ST8SIA4: variants seen among roughly 807,000 people sequenced by gnomAD.
The protein encoded by ST8SIA4 is ST8 alpha-N-acetyl-neuraminide alpha-2,8-sialyltransferase 4.
Under a neutral mutation model 33.9 loss-of-function variants are expected in ST8SIA4, and 15 were observed. That is an observed-to-expected ratio of 0.44 (90% CI 0.30 to 0.68). The LOEUF is 0.68. Among genes scored for constraint, ST8SIA4 ranks in the 30% least tolerant of loss-of-function variants. ST8SIA4 has a pLI of 0.10. For synonymous variants in ST8SIA4, 171 were observed against 151.2 expected (o/e 1.13, Z -0.96); for missense variants, 321 against 428.0 (o/e 0.75, Z 2.21).
rs931271127 is a variant in ST8SIA4, at chr5:100,811,348, A to C, written c.*499T>G. On this transcript the variant is annotated 3_prime_UTR_variant, in exon 5 of 5. Transcript: ENST00000231461. The stretch of plus-strand genomic sequence containing the variant: ...AAAAAAACATAAATTAAAACATAAA[A>C]TTCATGATCAGACTCAGAGTCCTGA... 6.5e-6 allele frequency: 1 copy of C among 152,854 alleles called. No homozygotes were observed. Among genetic ancestry groups the C allele is most frequent in the Non-Finnish European group, 1.5e-5 (1 of 68,260 alleles). The allele number at this position is 152,854 out of a possible 1,614,324, so 9.5% of individuals were successfully genotyped here.
chr5:100,855,038 T>A (rs963415764), intron 4 of ST8SIA4, among the ~76,000 whole-genome samples: 16 of 152,224 alleles, frequency 1.1e-4, no homozygotes, highest in Admixed American at 1.0e-3. Context: ...CTCAATTCCC[T>A]TCTCAACCAC....
chr5:100,869,931 T>C (rs1488817805), intron 3 of ST8SIA4, among the ~76,000 whole-genome samples: 2 of 152,284 alleles, frequency 1.3e-5, no homozygotes, highest in Middle Eastern at 3.4e-3. Flanking sequence ...ATGTGCCATG[T>C]TGGTGTGCTG....
chr5:100,898,252 A>G (rs1344425586), intron 1 of ST8SIA4, among the ~76,000 whole-genome samples: 2 of 152,164 alleles, frequency 1.3e-5, no homozygotes, highest in Non-Finnish European at 2.9e-5. Flanking sequence ...TGATCCTAGG[A>G]GTTAGAGACC....
At chr5:100,855,791 C>T (rs992407793) in intron 4 of ST8SIA4, among the ~76,000 whole-genome samples, 4 of 152,094 alleles carry the variant, frequency 2.6e-5, no homozygotes, top group African/African-American at 4.8e-5. Flanking sequence ...AGTTTCCCTA[C>T]CCAAAGCTCA....
At chr5:100,818,645 C>T (rs778266886) in intron 4 of ST8SIA4, among the ~76,000 whole-genome samples, 7 of 151,818 alleles carry the variant, frequency 4.6e-5, no homozygotes, top group Non-Finnish European at 8.8e-5. Flanking sequence ...TTTCTATGTG[C>T]CCTTTGTATT....
rs1408616715 is a variant in ST8SIA4, at chr5:100,856,374, C to T, written c.526G>A (p.Glu176Lys). Residue 176 changes from glutamate (E) to lysine (K), a missense_variant, in exon 4 of 5, where the codon GAG becomes AAG. Physicochemically the swap from Glu to Lys is moderately conservative, Grantham distance 56 (BLOSUM62 1). Transcript: ENST00000231461. ...TTAGTTCCCACATCTGCAGCAAACT[C>T]CACCACAGGAGCTAGATTACACCTG... ...VIRCNLAPVV[E>K]FAADVGTKSD... 6.8e-6 allele frequency: 11 copies of T among 1,613,668 alleles called. No homozygotes were observed. The highest frequency in any genetic ancestry group is 9.3e-6 in the Non-Finnish European group (11 of 1,179,792).
chr5:100,853,264 T>G (rs2112436622), intron 4 of ST8SIA4, among the ~76,000 whole-genome samples: 1 of 152,336 alleles, frequency 6.6e-6, no homozygotes, highest in East Asian at 1.9e-4. Flanking sequence ...AAACGCTATC[T>G]TACATACATC....
rs1197941770 is a variant in ST8SIA4, at chr5:100,810,651, C to T, written c.*1196G>A. The T allele has an allele frequency of 1.3e-5, 2 of 152,426 alleles. No homozygotes were observed. The allele number at this position is 152,426 out of a possible 1,614,324, so 9.4% of individuals were successfully genotyped here. On this transcript the variant is annotated 3_prime_UTR_variant, in exon 5 of 5. Coordinates refer to ENST00000231461, the MANE Select transcript of ST8SIA4 (RefSeq NM_005668.6). ...CACATTAATAGCAAAATAATATATTCATGTTAATAATATATTATTTTCATG... is the reference window on the plus strand; with the variant it reads ...CACATTAATAGCAAAATAATATATTTATGTTAATAATATATTATTTTCATG...
chr5:100,858,453 A>T (rs77905934), intron 3 of ST8SIA4, among the ~76,000 whole-genome samples: 120 of 152,196 alleles, frequency 7.9e-4, no homozygotes, highest in African/African-American at 2.6e-3. Context: ...AAATAGAATA[A>T]AAATGATATA....
intron 3 of ST8SIA4, among the ~76,000 whole-genome samples, chr5:100,875,039 A>T (rs1752276111): frequency 6.6e-6 from 1 of 152,204 alleles, no homozygotes; most frequent in South Asian, 2.1e-4. Flanking sequence ...AGATTCTATC[A>T]TTATTCCATT....
chr5:100,829,293 ATTCT>A (rs1239262330), intron 4 of ST8SIA4, among the ~76,000 whole-genome samples: 2 of 152,168 alleles, frequency 1.3e-5, no homozygotes, highest in South Asian at 2.1e-4. Context: ...ATCACAAAAG[ATTCT>A]TTGTCTTTTG....
intron 1 of ST8SIA4, among the ~76,000 whole-genome samples, chr5:100,901,828 T>G (rs1431425301): frequency 6.6e-6 from 1 of 152,146 alleles, no homozygotes; most frequent in African/African-American, 2.4e-5. Flanking sequence ...AGAGCATGTG[T>G]GTGTGTTAGC....
At chr5:100,886,163 C>T (rs1267423083) in intron 3 of ST8SIA4, 180 bp downstream of exon 3, 3 of 1,389,128 alleles carry the variant, frequency 2.2e-6, no homozygotes, top group African/African-American at 2.9e-5. Flanking sequence ...TTCAACTACG[C>T]AATAATTATA....
chr5:100,833,364 A>T (rs1324560408), intron 4 of ST8SIA4, among the ~76,000 whole-genome samples: 1 of 152,044 alleles, frequency 6.6e-6, no homozygotes, highest in African/African-American at 2.4e-5. Context: ...TTCTCAAATT[A>T]TTTTACTCAA....
intron 1 of ST8SIA4, among the ~76,000 whole-genome samples, chr5:100,901,851 C>T (rs1752924918): frequency 6.6e-6 from 1 of 152,196 alleles, no homozygotes; most frequent in Non-Finnish European, 1.5e-5. Flanking sequence ...TCCCATCTCT[C>T]TCTCTCTCAC....
chr5:100,875,154 T>C (rs1752278750), intron 3 of ST8SIA4, among the ~76,000 whole-genome samples: 1 of 152,170 alleles, frequency 6.6e-6, no homozygotes, highest in Non-Finnish European at 1.5e-5. Context: ...CAAAGTATTC[T>C]ACAGTACAGG....
intron 2 of ST8SIA4, among the ~76,000 whole-genome samples, chr5:100,889,138 T>A (rs547751955): frequency 8.6e-4 from 131 of 152,066 alleles, no homozygotes; most frequent in Non-Finnish European, 1.6e-3. Context: ...AAGCACTTAA[T>A]GATTTTTCAC....
At chr5:100,819,025 G>A (rs3843478) in intron 4 of ST8SIA4, among the ~76,000 whole-genome samples, 43,657 of 152,062 alleles carry the variant, frequency 0.29, 6,566 homozygotes, top group Non-Finnish European at 0.33. Flanking sequence ...CTCATATTTA[G>A]TGAATACGTA....
chr5:100,823,112 CAG>C (rs1751067044), intron 4 of ST8SIA4, among the ~76,000 whole-genome samples: 1 of 151,866 alleles, frequency 6.6e-6, no homozygotes, highest in African/African-American at 2.4e-5. Context: ...GCCTGGGAGA[CAG>C]AGTGAGACTC....
Sources: allele counts gnomAD v4.1 joint callset (sites outside exome capture counted in the v4.1 genomes callset), GRCh38; gene constraint gnomAD v4.1.1; transcripts MANE v1.5; gene names NCBI Gene and HGNC (gene_info 2026-07-23, HGNC 2026-07-21).